Variants in IQCH observed in about 807,000 individuals in gnomAD.
IQCH encodes the protein IQ motif containing H.
In IQCH, 98 loss-of-function variants were observed where a neutral mutation model predicts 117.0. That is an observed-to-expected ratio of 0.84 (90% CI 0.71 to 0.99). The LOEUF (loss-of-function observed/expected upper bound fraction) is 0.99. Among genes scored for constraint, IQCH ranks in the 50% least tolerant of loss-of-function variants. The pLI is 0.00. For synonymous variants in IQCH, 412 were observed against 448.2 expected (o/e 0.92, Z 1.02); for missense variants, 1,102 against 1,243.8 (o/e 0.89, Z 1.72).
chr15:67,402,683 TAA>T (rs965562271), intron 14 of IQCH, among the ~76,000 whole-genome samples: 1 of 152,206 alleles, frequency 6.6e-6, no homozygotes, highest in Non-Finnish European at 1.5e-5. Context: ...TCCTGCAGGC[TAA>T]GAGTCCAGAG....
At chr15:67,358,207 CTTTT>C (rs71142373) in intron 7 of IQCH, among the ~76,000 whole-genome samples, 1 of 10,450 alleles carries the variant, frequency 9.6e-5, no homozygotes, top group African/African-American at 3.4e-4. Context: ...ACTTTCTTTT[CTTTT>C]TTTTTTTTTT....
intron 13 of IQCH, among the ~76,000 whole-genome samples, chr15:67,399,247 A>C (rs1971564975): frequency 6.6e-6 from 1 of 152,190 alleles, no homozygotes; most frequent in Non-Finnish European, 1.5e-5. Context: ...GCAGAACCTC[A>C]GTTTATTTAC....
intron 16 of IQCH, among the ~76,000 whole-genome samples, chr15:67,449,389 A>G (rs1249178556): frequency 6.6e-6 from 1 of 152,094 alleles, no homozygotes; most frequent in Admixed American, 6.5e-5. Flanking sequence ...TCCATCTTGA[A>G]TTAATTTTTG....
chr15:67,329,936 GATTAAAT>G (rs1968590666), intron 4 of IQCH, among the ~76,000 whole-genome samples: 1 of 152,010 alleles, frequency 6.6e-6, no homozygotes, highest in African/African-American at 2.4e-5. Context: ...AATAACAATA[GATTAAAT>G]ACAACCATAA....
chr15:67,353,508 C>T (rs562502726), intron 6 of IQCH, among the ~76,000 whole-genome samples: 9 of 151,986 alleles, frequency 5.9e-5, no homozygotes, highest in East Asian at 1.9e-4. Context: ...TACAGGTGCG[C>T]GCCACCACGC....
At position 67,425,567 on chromosome 15, in the gene IQCH, G is replaced by A. The variant is rs895815840; in HGVS notation, c.2505+3990G>A. Among the ~76,000 whole-genome samples the A allele has an allele frequency of 3.4e-4, 52 of 152,202 alleles. No homozygotes were observed. In the East Asian group the frequency reaches 7.7e-3, roughly 23 times the overall value. On this transcript the variant is annotated intron_variant, in intron 16 of 20. Coordinates refer to ENST00000335894, the MANE Select transcript of IQCH (RefSeq NM_001031715.3). This position sits in a 1 kb window ranked among gnomAD's most constrained non-coding sequence, Gnocchi z 5.5. ...GTGGAGGTTGCAGTGAGCCAAGATC[G>A]CGCCACTGCACTCCAGCCTGGGCGA...
At position 67,465,253 on chromosome 15, in the gene IQCH, A is replaced by C. The variant is rs200209369; in HGVS notation, c.2632A>C (p.Lys878Gln). Reference protein sequence around the residue: ...STLEVPRFVPKERKKTKCMSA... With the variant: ...STLEVPRFVPQERKKTKCMSA... ...CCTGGAAGTGCCCCGCTTTGTTCCA[A>C]AGGAAAGGAAGAAAACCAAATGCAT... Residue 878 changes from lysine (K) to glutamine (Q), a missense_variant, in exon 17 of 21, where the codon AAG becomes CAG. By Grantham distance (53) the Lys-to-Gln change is moderately conservative. Transcript: ENST00000335894. This position sits in a 1 kb window ranked among gnomAD's most constrained non-coding sequence, Gnocchi z 5.9. 9.9e-6 allele frequency: 16 copies of C among 1,613,836 alleles called. No homozygotes were observed. The highest frequency in any genetic ancestry group is 1.7e-5 in the Admixed American group (1 of 59,978).
intron 4 of IQCH, among the ~76,000 whole-genome samples, chr15:67,286,461 A>G (rs1016175610): frequency 3.3e-5 from 5 of 152,068 alleles, no homozygotes; most frequent in Non-Finnish European, 7.4e-5. Context: ...AGGACTTCCC[A>G]TTCTGTGTTG....
At chr15:67,315,680 T>C (rs1967811815) in intron 4 of IQCH, among the ~76,000 whole-genome samples, 1 of 152,154 alleles carries the variant, frequency 6.6e-6, no homozygotes, top group Non-Finnish European at 1.5e-5. Context: ...TTTACTACTT[T>C]CCTGCTATGA....
chr15:67,321,936 T>A (rs1322833653), intron 4 of IQCH, among the ~76,000 whole-genome samples: 1 of 152,246 alleles, frequency 6.6e-6, no homozygotes, highest in African/African-American at 2.4e-5. Flanking sequence ...AGAATGTATA[T>A]CCTACAATTG....
At chr15:67,354,867 A>G (rs1001128814) in intron 6 of IQCH, among the ~76,000 whole-genome samples, 2 of 152,162 alleles carry the variant, frequency 1.3e-5, no homozygotes, top group African/African-American at 4.8e-5. Flanking sequence ...CCTCTTGGTC[A>G]TAAGATGGCT....
Position 67,427,041 on chromosome 15 carries a change from G to C in IQCH, c.2505+5464G>C, listed in dbSNP as rs1195548535. 3.3e-5 allele frequency among the ~76,000 whole-genome samples: 5 copies of C among 151,686 alleles called. No homozygotes were observed. Among genetic ancestry groups the C allele is most frequent in the Non-Finnish European group, 7.4e-5 (5 of 67,954 alleles). ...AGGAGGATCAAGATAGTCTAGAGCA[G>C]GAGTTGGTAAACAATGGCCTACAGG... On this transcript the variant is annotated intron_variant, in intron 16 of 20. Transcript: ENST00000335894. This position sits in a 1 kb window ranked among gnomAD's most constrained non-coding sequence, Gnocchi z 4.7.
At chr15:67,415,660 A>G (rs1435555600) in intron 14 of IQCH, among the ~76,000 whole-genome samples, 1 of 152,132 alleles carries the variant, frequency 6.6e-6, no homozygotes, top group Non-Finnish European at 1.5e-5. Flanking sequence ...GGAAATTGGA[A>G]ATAAGTGTGT....
At chr15:67,281,342 A>G (rs895063282) in intron 4 of IQCH, among the ~76,000 whole-genome samples, 3 of 152,216 alleles carry the variant, frequency 2.0e-5, no homozygotes, top group African/African-American at 7.2e-5. Context: ...TTTATTTAAC[A>G]TGTATACACA....
chr15:67,402,228 C>A (rs903147817), intron 14 of IQCH, among the ~76,000 whole-genome samples: 3 of 152,138 alleles, frequency 2.0e-5, no homozygotes, highest in Admixed American at 2.0e-4. Flanking sequence ...CTAACTAAAT[C>A]ATTTTTTAAA....
At position 67,465,848 on chromosome 15, in the gene IQCH, CCT is replaced by C. The variant is rs1360383715; in HGVS notation, c.2676+559_2676+560del. Among the ~76,000 whole-genome samples the C allele has an allele frequency of 2.0e-5, 3 of 152,198 alleles. No individual in the cohort carries two copies. Among genetic ancestry groups the C allele is most frequent in the African/African-American group, 7.2e-5 (3 of 41,450 alleles). ...CGAAAATGCCACTAACCTGACCCCT[CCT>C]CTCTCTCCACAAAGATAGTGTCTTA... is the stretch of plus-strand genomic sequence containing the variant. On this transcript the variant is annotated intron_variant, in intron 17 of 20. Transcript: ENST00000335894. The surrounding 1 kb of genome is among the most constrained non-coding windows in gnomAD (Gnocchi z 5.9).
Position 67,411,223 on chromosome 15 carries a change from A to T in IQCH, c.2098-5708A>T, listed in dbSNP as rs2081442530. Among the ~76,000 whole-genome samples, 1 of 152,050 alleles carries T rather than the reference A, an allele frequency of 6.6e-6. No homozygotes were observed. The highest frequency in any genetic ancestry group is 2.4e-5 in the African/African-American group (1 of 41,410). ...CTGATTCAAATCCGGAGCACCTTTC[A>T]TGGTGCTCCCCACTTTACACTCTGA... On this transcript the variant is annotated intron_variant, in intron 14 of 20. Coordinates refer to ENST00000335894, the MANE Select transcript of IQCH (RefSeq NM_001031715.3). This position sits in a 1 kb window ranked among gnomAD's most constrained non-coding sequence, Gnocchi z 4.4.
intron 4 of IQCH, chr15:67,306,924 A>G: frequency 2.8e-6 from 4 of 1,430,974 alleles, no homozygotes; most frequent in Non-Finnish European, 9.2e-7. Flanking sequence ...AATACAACAC[A>G]TTAAGAAATC....
chr15:67,259,357 C>A (rs545992388), intron 1 of IQCH, among the ~76,000 whole-genome samples: 1 of 152,290 alleles, frequency 6.6e-6, no homozygotes, highest in Admixed American at 6.5e-5. Flanking sequence ...ATACATATTA[C>A]CTCATTTTCA....
Sources: allele counts gnomAD v4.1 joint callset (sites outside exome capture counted in the v4.1 genomes callset), GRCh38; gene constraint gnomAD v4.1.1; non-coding constraint Gnocchi (gnomAD v3.1); transcripts MANE v1.5; gene names NCBI Gene and HGNC (gene_info 2026-07-23, HGNC 2026-07-21).